Variants in ZFYVE9 observed in about 807,000 individuals in gnomAD.
The protein encoded by ZFYVE9 is zinc finger FYVE-type containing 9, also known as zinc finger FYVE domain-containing protein 9.
Under a neutral mutation model 126.7 loss-of-function variants are expected in ZFYVE9, and 43 were observed. That is an observed-to-expected ratio of 0.34 (90% CI 0.27 to 0.44). ZFYVE9 has a LOEUF of 0.44. Ranked by LOEUF, ZFYVE9 falls within the 20% of genes least tolerant of loss-of-function variation. ZFYVE9 has a pLI of 1.00. For missense variants in ZFYVE9, 1,476 were observed against 1,697.0 expected (o/e 0.87, Z 2.29); for synonymous variants, 521 against 597.4 (o/e 0.87, Z 1.87).
rs373615756 is a variant in ZFYVE9, at chr1:52,346,101, G to C, written c.4158G>C (p.Ser1386=). Reference sequence around the variant, plus strand: ...GGAGCAATGGCCAGCCCCTTCCCTCGCAGTACATGAATGATCTGGACAGCG... The same window carrying C: ...GGAGCAATGGCCAGCCCCTTCCCTCCCAGTACATGAATGATCTGGACAGCG... ...QAGSNGQPLP[S]QYMNDLDSAL... Residue 1386 remains serine, a synonymous_variant, in exon 19 of 19, where the codon TCG becomes TCC. Transcript: ENST00000287727. The C allele has an allele frequency of 3.1e-6, 5 of 1,609,790 alleles. No individual in the cohort carries two copies. The highest frequency in any genetic ancestry group is 4.2e-6 in the Non-Finnish European group (5 of 1,177,056).
At chr1:52,199,527 G>A (rs1445263243) in intron 1 of ZFYVE9, among the ~76,000 whole-genome samples, 1 of 152,144 alleles carries the variant, frequency 6.6e-6, no homozygotes, top group Non-Finnish European at 1.5e-5. Flanking sequence ...CTTCTTTCTA[G>A]TGCTGAATCT....
intron 4 of ZFYVE9, among the ~76,000 whole-genome samples, chr1:52,250,878 T>A (rs1645437816): frequency 6.6e-6 from 1 of 151,160 alleles, no homozygotes; most frequent in African/African-American, 2.4e-5. Context: ...ACCTGGCTAA[T>A]TTTTTTTTAT....
intron 10 of ZFYVE9, among the ~76,000 whole-genome samples, chr1:52,285,453 C>T (rs981034520): frequency 1.3e-5 from 2 of 152,140 alleles, no homozygotes; most frequent in African/African-American, 2.4e-5. Flanking sequence ...TACAGCTGCT[C>T]CCCATTGCTC....
rs1282949386 is a variant in ZFYVE9 at position 52,281,810 on chromosome 1, C to T, written c.3019C>T (p.Leu1007=). 2.5e-6 allele frequency: 4 copies of T among 1,614,116 alleles called. No individual in the cohort carries two copies. The highest frequency in any genetic ancestry group is 3.4e-6 in the Non-Finnish European group (4 of 1,180,006). Residue 1007 remains leucine (L), a synonymous_variant, in exon 10 of 19, where the codon CTG becomes TTG. Coordinates refer to ENST00000287727, the MANE Select transcript of ZFYVE9 (RefSeq NM_004799.4). The part of the protein sequence containing the change: ...NHFVQLYRDA[L]AGNVVSNLGH... ...CTTTGTGCAGCTTTATCGGGATGCT[C>T]TGGCAGGTAGGAATGCTTTATGACT... is the stretch of plus-strand genomic sequence containing the variant.
chr1:52,280,841 C>A (rs1447700795), intron 9 of ZFYVE9, among the ~76,000 whole-genome samples: 1 of 152,032 alleles, frequency 6.6e-6, no homozygotes, highest in African/African-American at 2.4e-5. Flanking sequence ...AATAAATATA[C>A]ATAAAAATAT....
At chr1:52,262,536 C>A (rs1645589429) in intron 4 of ZFYVE9, among the ~76,000 whole-genome samples, 2 of 152,158 alleles carry the variant, frequency 1.3e-5, no homozygotes, top group African/African-American at 4.8e-5. Context: ...TTAAGAATGT[C>A]AAGCCCTATA....
chr1:52,336,184 A>G (rs1646386876), intron 15 of ZFYVE9, among the ~76,000 whole-genome samples: 2 of 151,960 alleles, frequency 1.3e-5, no homozygotes, highest in South Asian at 4.2e-4. Flanking sequence ...GTGTTGATTG[A>G]AATACGTAGA....
At chr1:52,259,421 G>A (rs1645555744) in intron 4 of ZFYVE9, among the ~76,000 whole-genome samples, 1 of 151,762 alleles carries the variant, frequency 6.6e-6, no homozygotes, top group Non-Finnish European at 1.5e-5. Flanking sequence ...AATTTAAAAA[G>A]TACAGAAAAA....
chr1:52,248,250 G>C (rs1052151673), intron 4 of ZFYVE9, among the ~76,000 whole-genome samples: 5 of 152,132 alleles, frequency 3.3e-5, no homozygotes, highest in African/African-American at 1.2e-4. Flanking sequence ...GGCTGCTAGT[G>C]CAAGTCTTAG....
At chr1:52,313,016 AG>A (rs1292280876) in intron 13 of ZFYVE9, among the ~76,000 whole-genome samples, 1 of 152,206 alleles carries the variant, frequency 6.6e-6, no homozygotes, top group Non-Finnish European at 1.5e-5. Context: ...ACACACATAT[AG>A]GGAAGATGAT....
At position 52,239,042 on chromosome 1, in the gene ZFYVE9, T is replaced by G. The variant is rs1419183816; in HGVS notation, c.1625T>G (p.Met542Arg). ...CTTTTAAACAGCACTGGTGACCTAA[T>G]GAAGAAAAATTATTTACATAATTTC... ...GLLLNSTGDLMKKNYLHNFCS... is the reference protein window; with the variant it reads ...GLLLNSTGDLRKKNYLHNFCS... The change falls in exon 4 of 19, where the codon ATG becomes AGG. Residue 542 changes from methionine to arginine, a missense_variant. Met to Arg is a moderately conservative substitution (Grantham distance 91). Transcript: ENST00000287727. 2 of 1,614,120 alleles carry G rather than the reference T, an allele frequency of 1.2e-6. No homozygotes were observed. The highest frequency in any genetic ancestry group is 2.2e-5 in the East Asian group (1 of 44,876).
rs7530568 is a variant in ZFYVE9, at chr1:52,337,703, G to A, written c.3671-69G>A. 1.5e-3 allele frequency: 2,346 copies of A among 1,560,304 alleles called. 32 individuals are homozygous for A. The African/African-American group carries it at 0.027, about 18-fold the overall frequency. ...CAGAGCTAAGGTTTACATTTAACTC[G>A]GAGGAATTTGCTAGATGCCAGGTGC... On this transcript the variant is annotated intron_variant, in intron 15 of 18. Coordinates refer to ENST00000287727, the MANE Select transcript of ZFYVE9 (RefSeq NM_004799.4).
chr1:52,333,013 T>G, intron 14 of ZFYVE9, 95 bp downstream of exon 14: 1 of 1,470,506 alleles, frequency 6.8e-7, no homozygotes, highest in Non-Finnish European at 9.3e-7. Context: ...ACTTTCTAGA[T>G]AGGTGACCAC....
At chr1:52,151,641 G>A (rs1258271430) in intron 1 of ZFYVE9, among the ~76,000 whole-genome samples, 2 of 150,778 alleles carry the variant, frequency 1.3e-5, no homozygotes, top group Non-Finnish European at 3.0e-5. Context: ...TCAGCCTCCC[G>A]AGTAGCTGGG....
At chr1:52,316,707 G>A (rs865887090) in intron 13 of ZFYVE9, among the ~76,000 whole-genome samples, 11 of 152,092 alleles carry the variant, frequency 7.2e-5, no homozygotes, top group Admixed American at 6.6e-5. Context: ...GAGAGAACTG[G>A]TAAAACAAAA....
chr1:52,209,478 A>G (rs1176277524), intron 1 of ZFYVE9, among the ~76,000 whole-genome samples: 2 of 152,030 alleles, frequency 1.3e-5, no homozygotes, highest in Non-Finnish European at 2.9e-5. Flanking sequence ...CTCCCTACCC[A>G]TTAGTAGTCA....
chr1:52,245,441 T>C (rs535235383), intron 4 of ZFYVE9, among the ~76,000 whole-genome samples: 53 of 152,256 alleles, frequency 3.5e-4, no homozygotes, highest in African/African-American at 1.2e-3. Context: ...CTAATATTTA[T>C]TGAGTGTTTA....
chr1:52,330,158 A>G (rs1161919836), intron 13 of ZFYVE9, among the ~76,000 whole-genome samples: 1 of 152,216 alleles, frequency 6.6e-6, no homozygotes, highest in African/African-American at 2.4e-5. Flanking sequence ...TGGGCGGACC[A>G]CTTGAGGTCG....
chr1:52,160,663 G>A (rs868131111), intron 1 of ZFYVE9: 8 of 594,704 alleles, frequency 1.3e-5, no homozygotes, highest in African/African-American at 5.6e-5. Context: ...ATCCGCCTGC[G>A]TCGGCCTCCT....
Sources: gnomAD v4.1 joint callset for allele counts (sites outside exome capture counted in the v4.1 genomes callset) on GRCh38, gnomAD v4.1.1 for gene constraint, MANE v1.5 for transcripts, NCBI Gene and HGNC (gene_info 2026-07-23, HGNC 2026-07-21) for gene names.